The following LARS1 variants were observed in gnomAD, a reference collection of about 807,000 sequenced individuals.
The protein encoded by LARS1 is leucyl-tRNA synthetase 1.
Under a neutral mutation model 162.8 loss-of-function variants are expected in LARS1, and 100 were observed. The ratio of observed to expected loss-of-function variants is 0.61; its 90% confidence interval spans 0.52 to 0.73. The LOEUF (loss-of-function observed/expected upper bound fraction) is 0.73, where lower values mean the gene tolerates loss of function less well. LARS1 is among the 30% of genes least tolerant of loss of function. The probability of loss-of-function intolerance (pLI) is 0.00; values close to 1 mark genes in which losing one functional copy is unlikely to be tolerated. For synonymous variants in LARS1, 457 were observed against 462.8 expected (o/e 0.99, Z 0.16); for missense variants, 1,258 against 1,408.9 (o/e 0.89, Z 1.71).
intron 3 of LARS1, 72 bp from the exon 4 acceptor site, chr5:146,172,062 C>CA (rs1754307466): frequency 6.7e-6 from 9 of 1,347,366 alleles, no homozygotes; most frequent in South Asian, 4.9e-5. Flanking sequence ...ACTTTTCACA[C>CA]AAAAAAATTA....
chr5:146,130,030 T>C lies in LARS1; in HGVS notation c.2616A>G (p.Thr872=), dbSNP rs545928714. 6.2e-6 allele frequency: 10 copies of C among 1,606,544 alleles called. 1 individual carries two copies. In the African/African-American group the frequency reaches 9.4e-5, roughly 15 times the overall value. ...FCPHLCEHIW[T]LLGKPDSIMN... is the part of the protein sequence containing the mutation. The stretch of plus-strand genomic sequence containing the variant: ...TGCATGAAGGTACCTTTCCCAGGAG[T>C]GTCCAGATGTGCTCACACAAATGTG... Residue 872 remains threonine (T), a synonymous_variant, in exon 25 of 32, where the codon ACA becomes ACG. Coordinates refer to ENST00000394434, the MANE Select transcript of LARS1 (RefSeq NM_020117.11).
chr5:146,181,268 G>A (rs13176784), intron 1 of LARS1: 33,880 of 152,068 alleles, frequency 0.22, 4,836 homozygotes, highest in Admixed American at 0.34. Context: ...CAGGGGAACC[G>A]CTTGAACCTG....
At position 146,136,482 on chromosome 5, in the gene LARS1, A is replaced by AT. The variant is rs35080569; in HGVS notation, c.2149-819dup. ...TTTCAGTCTAATATACAGATTACCTATTTTTTTTTTTTTTTTGAGATGGAG... is the reference window on the plus strand; with the variant it reads ...TTTCAGTCTAATATACAGATTACCTATTTTTTTTTTTTTTTTTGAGATGGAG... On this transcript the variant is annotated intron_variant, in intron 21 of 31. Transcript: ENST00000394434. Among the ~76,000 whole-genome samples the AT allele has an allele frequency of 8.7e-3, 1,228 of 141,628 alleles. 4 individuals are homozygous for AT. Among genetic ancestry groups the AT allele is most frequent in the South Asian group, 0.02 (88 of 4,440 alleles). The allele number at this position is 141,628 out of a possible 152,430, so 92.9% of individuals were successfully genotyped here. A position where few individuals can be genotyped will look rare whatever the true frequency, so the allele number is the denominator to read the frequency against.
intron 10 of LARS1, among the ~76,000 whole-genome samples, chr5:146,154,828 C>T (rs1426403080): frequency 6.6e-6 from 1 of 152,056 alleles, no homozygotes; most frequent in African/African-American, 2.4e-5. Context: ...TAAAACAAAA[C>T]ACATTATTTT....
Position 146,114,460 on chromosome 5 carries a change from G to A in LARS1, c.3326-149C>T. ...TTATTAAATAAAAGCCACGCTGGGTGCGGTGGCTCACACCTGTAATCCCAG... is the reference window on the plus strand; with the variant it reads ...TTATTAAATAAAAGCCACGCTGGGTACGGTGGCTCACACCTGTAATCCCAG... On this transcript the variant is annotated intron_variant, in intron 31 of 31. Transcript: ENST00000394434. 7.3e-6 allele frequency: 5 copies of A among 680,290 alleles called. No individual in the cohort carries two copies. In the Admixed American group the frequency reaches 8.2e-5, roughly 11 times the overall value. 42.1% of individuals were successfully genotyped at this position (680,290 alleles called of 1,614,324 possible). A position where few individuals can be genotyped will look rare whatever the true frequency, so the allele number is the denominator to read the frequency against.
In LARS1 at chr5:146,182,562, CT is replaced by C. The variant is rs1754921322; in HGVS notation, c.-70del. On this transcript the variant is annotated 5_prime_UTR_variant, in exon 1 of 32. Coordinates refer to ENST00000394434, the MANE Select transcript of LARS1 (RefSeq NM_020117.11). ...GCGACCTCCACAAAGGAGTGGTTAC[CT>C]TTCCCCTCCCTCTCGGGGATGCCAG... The C allele has an allele frequency of 3.1e-6, 5 of 1,606,172 alleles. No homozygotes were observed. The highest frequency in any genetic ancestry group is 1.7e-5 in the Admixed American group (1 of 59,964).
At chr5:146,132,401 C>G (rs975235611) in intron 23 of LARS1, 1 of 152,310 alleles carries the variant, frequency 6.6e-6, no homozygotes, top group African/African-American at 2.4e-5. Flanking sequence ...GTCTCTCTTG[C>G]TAGACAATAA....
At chr5:146,119,883 T>C (rs1489144538) in intron 31 of LARS1, among the ~76,000 whole-genome samples, 1 of 152,130 alleles carries the variant, frequency 6.6e-6, no homozygotes, top group Non-Finnish European at 1.5e-5. Flanking sequence ...TCACCATCTA[T>C]AAAAGGGAAA....
chr5:146,172,057 T>C lies in LARS1; in HGVS notation c.214-67A>G, dbSNP rs913530059. ...CAGACAAATACAAAATGTGAACTTTTCACACAAAAAAATTAGTTTTCTTCT... is the reference window on the plus strand; with the variant it reads ...CAGACAAATACAAAATGTGAACTTTCCACACAAAAAAATTAGTTTTCTTCT... On this transcript the variant is annotated intron_variant, in intron 3 of 31. Coordinates refer to ENST00000394434, the MANE Select transcript of LARS1 (RefSeq NM_020117.11). The C allele has an allele frequency of 2.2e-6, 3 of 1,381,232 alleles. No individual in the cohort carries two copies. The Admixed American group carries it at 5.3e-5, about 25-fold the overall frequency. 85.6% of individuals were successfully genotyped at this position (1,381,232 alleles called of 1,614,324 possible). A position where few individuals can be genotyped will look rare whatever the true frequency, so the allele number is the denominator to read the frequency against.
intron 5 of LARS1, among the ~76,000 whole-genome samples, chr5:146,165,300 T>G (rs932010755): frequency 6.6e-6 from 1 of 152,004 alleles, no homozygotes; most frequent in African/African-American, 2.4e-5. Context: ...GCCACTGTAC[T>G]TCAAAGCCCA....
chr5:146,157,626 C>T lies in LARS1; in HGVS notation c.842G>A (p.Gly281Asp), dbSNP rs1753589577. 1 of 1,613,414 alleles carries T rather than the reference C, an allele frequency of 6.2e-7. No individual in the cohort carries two copies. Among genetic ancestry groups the T allele is most frequent in the Non-Finnish European group, 8.5e-7 (1 of 1,179,826 alleles). Reference protein sequence around the residue: ...VLEPYPSKLSGLKGKNIFLVA... With the variant: ...VLEPYPSKLSDLKGKNIFLVA... ...CAAGAAAATATTTTTACCTTTCAGG[C>T]CACTGAGAAAAAAAAACAAATATTG... The change falls in exon 10 of 32, where the codon GGC (glycine) becomes GAC (aspartate). Residue 281 changes from glycine to aspartate, a missense_variant and splice_region_variant. By Grantham distance (94) the Gly-to-Asp change is moderately conservative (BLOSUM62 -1). Coordinates refer to ENST00000394434, the MANE Select transcript of LARS1 (RefSeq NM_020117.11).
chr5:146,121,822 G>A (rs1751834536), intron 30 of LARS1, among the ~76,000 whole-genome samples: 2 of 152,074 alleles, frequency 1.3e-5, no homozygotes, highest in Admixed American at 1.3e-4. Context: ...ACCAGGGCCT[G>A]TCAGGGTGGG....
chr5:146,165,395 G>A (rs1753961748), intron 5 of LARS1, among the ~76,000 whole-genome samples: 1 of 151,876 alleles, frequency 6.6e-6, no homozygotes. Flanking sequence ...GCTGGGCGTG[G>A]TGGCACACAC....
Position 146,144,701 on chromosome 5 carries a change from T to C in LARS1, c.1512A>G (p.Ala504=), listed in dbSNP as rs144080531. The change falls in exon 16 of 32, where the codon GCA becomes GCG. Residue 504 remains alanine (A), a synonymous_variant. Transcript: ENST00000394434. ...IQKKMIDAGD[A]LIYMEPEKQV... ...GTTTCTCTGGTTCCATGTAAATAAG[T>C]GCATCTCCCTAAAGGAAGGTAAATA... 3.7e-6 allele frequency: 6 copies of C among 1,613,398 alleles called. No individual in the cohort carries two copies. In the African/African-American group the frequency reaches 5.3e-5, roughly 14 times the overall value.
At chr5:146,129,442 T>A (rs563208040) in intron 25 of LARS1, among the ~76,000 whole-genome samples, 58 of 152,310 alleles carry the variant, frequency 3.8e-4, no homozygotes, top group Admixed American at 1.5e-3. Context: ...ATGCATACAC[T>A]CAGTTTTTAT....
chr5:146,159,242 A>G (rs1753667553), intron 8 of LARS1, among the ~76,000 whole-genome samples, 165 bp downstream of exon 8: 1 of 152,206 alleles, frequency 6.6e-6, no homozygotes, highest in African/African-American at 2.4e-5. Flanking sequence ...ACTACACAAG[A>G]TACAGGTACC....
chr5:146,155,756 G>A (rs1201234395), intron 10 of LARS1, among the ~76,000 whole-genome samples: 1 of 152,206 alleles, frequency 6.6e-6, no homozygotes, highest in Admixed American at 6.5e-5. Flanking sequence ...CCTCACGCCA[G>A]AATTTGCTCA....
In LARS1 at chr5:146,143,451, C is replaced by A. The variant is rs1190909639; in HGVS notation, c.1838G>T (p.Gly613Val). The A allele has an allele frequency of 1.2e-6, 2 of 1,613,278 alleles. No individual in the cohort carries two copies. Among genetic ancestry groups the A allele is most frequent in the South Asian group, 1.1e-5 (1 of 90,972 alleles). The change falls in exon 19 of 32, where the codon GGT (glycine) becomes GTT (valine). Residue 613 changes from glycine (G) to valine (V), a missense_variant. Gly to Val is a moderately radical substitution (Grantham distance 109). Transcript: ENST00000394434. ...AGACTCTGCCTGTCCATGCAAGTTACCCCCCTGCAATAGGTGTGCAACTGT... is the reference window on the plus strand; with the variant it reads ...AGACTCTGCCTGTCCATGCAAGTTAACCCCCTGCAATAGGTGTGCAACTGT... ...FYTVAHLLQG[G>V]NLHGQAESPL...
chr5:146,165,539 CA>C (rs111593664), intron 5 of LARS1, among the ~76,000 whole-genome samples: 8 of 143,798 alleles, frequency 5.6e-5, no homozygotes, highest in African/African-American at 1.5e-4. Context: ...TTGAAAAAAA[CA>C]AAAAAAAAAG....
Sources: allele counts gnomAD v4.1 joint callset (sites outside exome capture counted in the v4.1 genomes callset), GRCh38; gene constraint gnomAD v4.1.1; transcripts MANE v1.5; gene names NCBI Gene and HGNC (gene_info 2026-07-23, HGNC 2026-07-21).